The following MYOZ2 variants were observed in gnomAD, a reference collection of about 807,000 sequenced individuals.
MYOZ2 encodes myozenin-2.
A neutral mutation model predicts 25.4 loss-of-function variants in MYOZ2; 19 were observed. The observed-to-expected ratio is 0.75, with a 90% CI of 0.52 to 1.10. MYOZ2 has a LOEUF of 1.10. Ranked by LOEUF, MYOZ2 falls within the 50% of genes least tolerant of loss-of-function variation. The pLI is 0.00. For missense variants in MYOZ2, 270 were observed against 317.9 expected (o/e 0.85, Z 1.15); for synonymous variants, 92 against 106.9 (o/e 0.86, Z 0.86).
intron 4 of MYOZ2, among the ~76,000 whole-genome samples, chr4:119,159,024 T>G (rs573035198): frequency 2.6e-5 from 4 of 152,198 alleles, no homozygotes; most frequent in African/African-American, 9.6e-5. Flanking sequence ...TATCCTGATG[T>G]GGTTATTGCA....
At chr4:119,185,122 C>A (rs1345763272) in intron 5 of MYOZ2, among the ~76,000 whole-genome samples, 1 of 151,748 alleles carries the variant, frequency 6.6e-6, no homozygotes, top group Non-Finnish European at 1.5e-5. Flanking sequence ...CTCCCCTCCC[C>A]TTCCCTTTCC....
intron 3 of MYOZ2, among the ~76,000 whole-genome samples, chr4:119,155,660 G>A (rs902988854): frequency 6.6e-6 from 1 of 152,028 alleles, no homozygotes; most frequent in African/African-American, 2.4e-5. Context: ...ATGTTTATGA[G>A]GTGAGTATGA....
chr4:119,163,737 C>T (rs879781904), intron 4 of MYOZ2, among the ~76,000 whole-genome samples: 17 of 152,112 alleles, frequency 1.1e-4, no homozygotes, highest in Non-Finnish European at 2.4e-4. Flanking sequence ...CAATTGAAGA[C>T]AGACAAGACC....
chr4:119,166,527 T>C (rs1157654739), intron 5 of MYOZ2, among the ~76,000 whole-genome samples: 1 of 151,610 alleles, frequency 6.6e-6, no homozygotes, highest in African/African-American at 2.4e-5. Flanking sequence ...AAAAAAAGTA[T>C]ATGCACAGGG....
At chr4:119,181,332 A>G (rs1423764486) in intron 5 of MYOZ2, among the ~76,000 whole-genome samples, 1 of 152,138 alleles carries the variant, frequency 6.6e-6, no homozygotes, top group Non-Finnish European at 1.5e-5. Flanking sequence ...TCTTTGGTTC[A>G]TGATTGTGAT....
chr4:119,162,355 T>A (rs1023136398), intron 4 of MYOZ2, among the ~76,000 whole-genome samples: 5 of 151,914 alleles, frequency 3.3e-5, no homozygotes, highest in African/African-American at 9.7e-5. Context: ...CTGGGAGGCA[T>A]TAGGGTCCCC....
chr4:119,137,796 G>A (rs2149218053), intron 2 of MYOZ2, among the ~76,000 whole-genome samples: 1 of 152,228 alleles, frequency 6.6e-6, no homozygotes, highest in South Asian at 2.1e-4. Context: ...CAAAATTCAT[G>A]CCTTATTTAA....
At chr4:119,164,655 T>C (rs940818143) in intron 5 of MYOZ2, among the ~76,000 whole-genome samples, 2 of 152,228 alleles carry the variant, frequency 1.3e-5, no homozygotes, top group Non-Finnish European at 2.9e-5. Flanking sequence ...AGATTATCCC[T>C]TGATACTTTA....
In MYOZ2 at chr4:119,186,155, C is replaced by T. The variant is rs17049982; in HGVS notation, c.750C>T (p.Thr250=). The change falls in exon 6 of 6, where the codon ACC becomes ACT. Residue 250 remains threonine (T), a synonymous_variant. Transcript: ENST00000307128. ...ISENIPIVIT[T]EPTDDTTVPE... ...AGAATATTCCTATAGTGATAACAACCGAACCTACAGATGATACCACTGTAC... is the reference window on the plus strand; with the variant it reads ...AGAATATTCCTATAGTGATAACAACTGAACCTACAGATGATACCACTGTAC... 1.6e-3 allele frequency: 2,517 copies of T among 1,613,704 alleles called. 32 individuals carry two copies. The African/African-American group carries it at 0.028, about 18-fold the overall frequency.
At chr4:119,160,821 TG>T (rs1407339160) in intron 4 of MYOZ2, among the ~76,000 whole-genome samples, 3 of 152,212 alleles carry the variant, frequency 2.0e-5, no homozygotes, top group Non-Finnish European at 2.9e-5. Flanking sequence ...AGTGATGTTT[TG>T]ATACATATCC....
At chr4:119,160,349 G>C (rs180834111) in intron 4 of MYOZ2, among the ~76,000 whole-genome samples, 1 of 151,476 alleles carries the variant, frequency 6.6e-6, no homozygotes, top group Non-Finnish European at 1.5e-5. Flanking sequence ...AGGAAAGAGA[G>C]AGGACATATG....
chr4:119,161,737 TGTG>T (rs1741714631), intron 4 of MYOZ2, among the ~76,000 whole-genome samples: 1 of 152,170 alleles, frequency 6.6e-6, no homozygotes, highest in East Asian at 1.9e-4. Flanking sequence ...AATAGATTAT[TGTG>T]AAACCCTTAA....
At chr4:119,164,420 T>C in intron 5 of MYOZ2, 26 bp downstream of exon 5, 3 of 1,613,230 alleles carry the variant, frequency 1.9e-6, no homozygotes, top group Non-Finnish European at 2.5e-6. Context: ...TGGGTGACAC[T>C]GTTGGCATGC....
intron 5 of MYOZ2, among the ~76,000 whole-genome samples, chr4:119,184,710 TCAAA>T (rs1445637238): frequency 5.3e-5 from 8 of 152,106 alleles, no homozygotes; most frequent in African/African-American, 1.9e-4. Context: ...AATGCTTAAA[TCAAA>T]CAAAGCAAAA....
At chr4:119,143,794 T>G (rs1201859923) in intron 2 of MYOZ2, among the ~76,000 whole-genome samples, 1 of 152,224 alleles carries the variant, frequency 6.6e-6, no homozygotes, top group African/African-American at 2.4e-5. Flanking sequence ...ATAGCTGGAA[T>G]CATACAGTAA....
In MYOZ2 at chr4:119,187,645, T is replaced by C. The variant is rs1336927322; in HGVS notation, c.*1445T>C. ...TTTTTAAAGATGTCTTAAGATATCT[T>C]AATTTTATTTATAAGTTTTGGTGTT... On this transcript the variant is annotated 3_prime_UTR_variant, in exon 6 of 6. Transcript: ENST00000307128. 6.6e-6 allele frequency: 1 copy of C among 152,146 alleles called. No individual in the cohort carries two copies. The highest frequency in any genetic ancestry group is 2.4e-5 in the African/African-American group (1 of 41,448). The allele number at this position is 152,146 out of a possible 1,614,324, so 9.4% of individuals were successfully genotyped here. A position where few individuals can be genotyped will look rare whatever the true frequency, so the allele number is the denominator to read the frequency against.
chr4:119,165,970 T>C (rs1458473816), intron 5 of MYOZ2, among the ~76,000 whole-genome samples: 1 of 152,160 alleles, frequency 6.6e-6, no homozygotes, highest in Non-Finnish European at 1.5e-5. Context: ...CACAATACCA[T>C]TCAACAGGAA....
At chr4:119,144,537 T>C (rs1290869870) in intron 2 of MYOZ2, among the ~76,000 whole-genome samples, 1 of 152,162 alleles carries the variant, frequency 6.6e-6, no homozygotes, top group Non-Finnish European at 1.5e-5. Flanking sequence ...TTTTCTAGAG[T>C]GTCTGTACCA....
chr4:119,174,746 C>A (rs1742019750), intron 5 of MYOZ2, among the ~76,000 whole-genome samples: 1 of 152,154 alleles, frequency 6.6e-6, no homozygotes, highest in African/African-American at 2.4e-5. Flanking sequence ...TGGCAACCCG[C>A]TCGGGTCCCC....
Sources: allele counts gnomAD v4.1 joint callset (sites outside exome capture counted in the v4.1 genomes callset), GRCh38; gene constraint gnomAD v4.1.1; transcripts MANE v1.5; gene names NCBI Gene and HGNC (gene_info 2026-07-23, HGNC 2026-07-21).